Variants in MYO9A observed in about 807,000 individuals in gnomAD.
MYO9A encodes myosin IXA.
Under a neutral mutation model 293.3 loss-of-function variants are expected in MYO9A, and 103 were observed. The ratio of observed to expected loss-of-function variants is 0.35; its 90% CI spans 0.30 to 0.41. The LOEUF is 0.41. MYO9A is among the 10% of genes least tolerant of loss of function. The pLI is 1.00. For missense variants in MYO9A, 2,685 were observed against 3,033.0 expected (o/e 0.89, Z 2.69); for synonymous variants, 1,001 against 1,035.7 (o/e 0.97, Z 0.64).
intron 1 of MYO9A, among the ~76,000 whole-genome samples, chr15:72,109,717 T>C (rs1449817089): frequency 6.6e-6 from 1 of 151,776 alleles, no homozygotes; most frequent in Admixed American, 6.6e-5. Context: ...GGTGAAACCC[T>C]GTCTCTATTA....
At position 71,826,071 on chromosome 15, in the gene MYO9A, A is replaced by AAAAT. The variant is rs1438428912; in HGVS notation, c.*505_*508dup. The AAAAT allele has an allele frequency of 7.6e-6, 1 of 131,240 alleles. No individual in the cohort carries two copies. The highest frequency in any genetic ancestry group is 1.6e-5 in the Non-Finnish European group (1 of 63,632). 8.1% of individuals were successfully genotyped at this position (131,240 alleles called of 1,614,324 possible). ...CATGGAGTGTTTTTTCAGAAATCTT[A>AAAAT]AAATAGAGGGATTAGGCTTTTTGTT... On this transcript the variant is annotated 3_prime_UTR_variant, in exon 42 of 42. Transcript: ENST00000356056.
In MYO9A at chr15:71,897,683, C is replaced by A; in HGVS notation, c.4820G>T (p.Arg1607Ile). The change falls in exon 25 of 42, where the codon AGA becomes ATA. Residue 1607 changes from arginine to isoleucine, a missense_variant. Arg to Ile is a moderately conservative substitution (Grantham distance 97). Transcript: ENST00000356056. The part of the protein sequence containing the change: ...KDRPVTVFFE[R>I]KGSPCQSSTV... ...ACTAGATTGGCATGGACTTCCTTTT[C>A]TTTCAAAGAACACGGTGACAGGTCG... The A allele has an allele frequency of 2.5e-6, 4 of 1,614,140 alleles. No homozygotes were observed. The highest frequency in any genetic ancestry group is 3.4e-6 in the Non-Finnish European group (4 of 1,180,022).
intron 34 of MYO9A, among the ~76,000 whole-genome samples, chr15:71,857,274 A>C (rs1223788796): frequency 6.6e-6 from 1 of 152,182 alleles, no homozygotes; most frequent in African/African-American, 2.4e-5. Flanking sequence ...TGGAAAAAAA[A>C]ATTCTGAGTA....
intron 15 of MYO9A, among the ~76,000 whole-genome samples, chr15:71,939,952 C>T (rs1163437026): frequency 1.3e-5 from 2 of 152,120 alleles, no homozygotes; most frequent in African/African-American, 4.8e-5. Context: ...CAGTGGTGGC[C>T]AGGTGTAGTC....
At chr15:71,876,185 G>C (rs566529324) in intron 31 of MYO9A, among the ~76,000 whole-genome samples, 1 of 145,748 alleles carries the variant, frequency 6.9e-6, no homozygotes, top group Non-Finnish European at 1.5e-5. Flanking sequence ...TTGCTCTGTC[G>C]CCCAGGTTGG....
chr15:71,861,693 A>AAAAAAAAAC (rs2056137436), intron 33 of MYO9A, among the ~76,000 whole-genome samples: 1 of 148,722 alleles, frequency 6.7e-6, no homozygotes, highest in African/African-American at 2.4e-5. Context: ...AAAAAAAAAA[A>AAAAAAAAAC]AAAAAAAACA....
At chr15:72,117,646 C>A (rs770046431) in intron 1 of MYO9A, 34 bp downstream of exon 1, 7 of 395,520 alleles carry the variant, frequency 1.8e-5, no homozygotes, top group Non-Finnish European at 2.2e-5. Context: ...CCAGGACGGG[C>A]TGCAGGGCCG....
chr15:71,871,660 G>A (rs1053834418), intron 32 of MYO9A, among the ~76,000 whole-genome samples: 5 of 149,946 alleles, frequency 3.3e-5, no homozygotes, highest in Non-Finnish European at 5.9e-5. Context: ...CTCCAGCTTA[G>A]GTAACAGAGT....
At chr15:71,885,327 G>C (rs1207679014) in intron 27 of MYO9A, among the ~76,000 whole-genome samples, 1 of 152,034 alleles carries the variant, frequency 6.6e-6, no homozygotes, top group Non-Finnish European at 1.5e-5. Flanking sequence ...ATTCACAGTT[G>C]AGGGATGTAA....
intron 3 of MYO9A, among the ~76,000 whole-genome samples, chr15:72,028,464 A>C (rs1035207227): frequency 6.6e-6 from 1 of 151,328 alleles, no homozygotes; most frequent in African/African-American, 2.4e-5. Context: ...CCTGACCAAC[A>C]TGGAGAAACC....
At chr15:72,073,360 T>C (rs1375299550) in intron 1 of MYO9A, among the ~76,000 whole-genome samples, 2 of 152,172 alleles carry the variant, frequency 1.3e-5, no homozygotes, top group African/African-American at 4.8e-5. Context: ...TCAGGGTCCA[T>C]GGAACATCAA....
chr15:72,106,202 G>A (rs1223284531), intron 1 of MYO9A, among the ~76,000 whole-genome samples: 1 of 152,114 alleles, frequency 6.6e-6, no homozygotes, highest in African/African-American at 2.4e-5. Context: ...TCCTGGCCAG[G>A]CACAATGACT....
intron 7 of MYO9A, among the ~76,000 whole-genome samples, chr15:72,008,741 T>G (rs932706717): frequency 5.3e-5 from 8 of 152,172 alleles, no homozygotes; most frequent in African/African-American, 1.9e-4. Context: ...TATTGACTTA[T>G]CTGACATCTC....
chr15:72,042,183 CAAA>C (rs769890860), intron 2 of MYO9A, among the ~76,000 whole-genome samples: 4 of 55,356 alleles, frequency 7.2e-5, no homozygotes, highest in Admixed American at 4.1e-4. Context: ...AGATAGAATG[CAAA>C]AAAAAAAAAA....
rs1435872468 is a variant in MYO9A, at chr15:71,929,545, G to A, written c.2562+4125C>T. Among the ~76,000 whole-genome samples the A allele has an allele frequency of 9.9e-5, 15 of 152,242 alleles. No individual in the cohort carries two copies. In the East Asian group the frequency reaches 2.7e-3, roughly 27 times the overall value. On this transcript the variant is annotated intron_variant, in intron 18 of 41. Transcript: ENST00000356056. The stretch of plus-strand genomic sequence containing the variant: ...TTTTTCTGCATGTGTTGAAATGACA[G>A]TATGGTTTTTGCTATTCACTGTGTT...
At chr15:71,932,032 GT>G (rs2058488957) in intron 18 of MYO9A, among the ~76,000 whole-genome samples, 1 of 151,836 alleles carries the variant, frequency 6.6e-6, no homozygotes, top group South Asian at 2.1e-4. Context: ...TGCTGCCTTT[GT>G]TTTTTGTTGT....
At chr15:72,021,430 C>T (rs866299957) in intron 4 of MYO9A, among the ~76,000 whole-genome samples, 36 of 152,282 alleles carry the variant, frequency 2.4e-4, no homozygotes, top group Middle Eastern at 3.4e-3. Flanking sequence ...TATTCCATCC[C>T]CTTGAAAACC....
At chr15:71,895,524 A>G (rs750975538) in intron 25 of MYO9A, among the ~76,000 whole-genome samples, 2 of 152,178 alleles carry the variant, frequency 1.3e-5, no homozygotes, top group Admixed American at 6.5e-5. Flanking sequence ...ATGATCTTGA[A>G]TAAGTCATTT....
At chr15:71,882,807 TTTTA>T (rs1201932751) in intron 28 of MYO9A, among the ~76,000 whole-genome samples, 2 of 152,116 alleles carry the variant, frequency 1.3e-5, no homozygotes, top group African/African-American at 2.4e-5. Flanking sequence ...AACTTTTCTT[TTTTA>T]TTTATTTATT....
Sources: allele counts gnomAD v4.1 joint callset (sites outside exome capture counted in the v4.1 genomes callset), GRCh38; gene constraint gnomAD v4.1.1; transcripts MANE v1.5; gene names NCBI Gene and HGNC (gene_info 2026-07-23, HGNC 2026-07-21).